The following NRK variants were observed in gnomAD, a reference collection of about 807,000 sequenced individuals.
The protein encoded by NRK is nik-related protein kinase.
Under a neutral mutation model 125.2 loss-of-function variants are expected in NRK, and 67 were observed. The ratio of observed to expected loss-of-function variants is 0.54; its 90% CI spans 0.44 to 0.66. The LOEUF (loss-of-function observed/expected upper bound fraction) is 0.66, where lower values mean the gene tolerates loss of function less well. NRK is among the 30% of genes least tolerant of loss of function. The pLI is 0.00. For missense variants in NRK, 1,224 were observed against 1,192.9 expected (o/e 1.03, Z -0.38); for synonymous variants, 458 against 429.0 (o/e 1.07, Z -0.84).
At chrX:105,844,894 G>A (rs1279206800) in intron 2 of NRK, among the ~76,000 whole-genome samples, 1 of 111,985 alleles carries the variant, frequency 8.9e-6, no homozygotes, top group Non-Finnish European at 1.9e-5. Flanking sequence ...AGCAGCTGGT[G>A]TATATAGTAA....
intron 2 of NRK, among the ~76,000 whole-genome samples, chrX:105,863,743 T>C (rs1021461353): frequency 8.9e-6 from 1 of 112,436 alleles, no homozygotes; most frequent in Non-Finnish European, 1.9e-5. Flanking sequence ...TTATACATTT[T>C]GTATAAGAGA....
At chrX:105,834,672 A>T (rs1199149613) in intron 2 of NRK, among the ~76,000 whole-genome samples, 4 of 109,956 alleles carry the variant, frequency 3.6e-5, no homozygotes, top group Non-Finnish European at 7.6e-5. Context: ...ATTATCCCTC[A>T]GTTCTTAAAT....
chrX:105,850,376 C>T (rs2039456886), intron 2 of NRK, among the ~76,000 whole-genome samples: 1 of 111,742 alleles, frequency 8.9e-6, no homozygotes, highest in African/African-American at 3.2e-5. Flanking sequence ...AGAGGGGCTG[C>T]CATGAAGGTC....
intron 2 of NRK, among the ~76,000 whole-genome samples, chrX:105,839,502 T>A (rs750948670): frequency 1.8e-5 from 2 of 111,724 alleles, no homozygotes; most frequent in South Asian, 3.7e-4. Flanking sequence ...CCTGTGACAT[T>A]GTGATAATGT....
intron 1 of NRK, among the ~76,000 whole-genome samples, chrX:105,826,900 C>G (rs954633330): frequency 9.0e-6 from 1 of 111,195 alleles, no homozygotes; most frequent in African/African-American, 3.3e-5. Context: ...TTTTCTCAGT[C>G]TTTTTTCCAG....
chrX:105,827,116 A>T (rs2039125374), intron 1 of NRK, among the ~76,000 whole-genome samples: 1 of 111,761 alleles, frequency 8.9e-6, no homozygotes. Flanking sequence ...CTGGATGAAG[A>T]GATTTCCCCT....
chrX:105,882,795 A>C (rs1264030587), intron 4 of NRK, among the ~76,000 whole-genome samples: 2 of 111,834 alleles, frequency 1.8e-5, no homozygotes, highest in African/African-American at 6.5e-5. Context: ...CCAGAGGACC[A>C]GCTAAAACAG....
In NRK at chrX:105,945,907, C is replaced by A; in HGVS notation, c.4095C>A (p.Asp1365Glu). ...ATCAATCAGCAGACTCTGAAGGAGA[C>A]TACATGTCCTATCAAGCCTATATAC... ...CIDQSADSEG[D>E]YMSYQAYIRI... The change falls in exon 25 of 29, where the codon GAC becomes GAA. Residue 1365 changes from aspartate to glutamate, a missense_variant. Coordinates refer to ENST00000243300, the MANE Select transcript of NRK (RefSeq NM_198465.4). 8.3e-7 allele frequency: 1 copy of A among 1,206,540 alleles called. No individual in the cohort carries two copies. Among genetic ancestry groups the A allele is most frequent in the Non-Finnish European group, 1.1e-6 (1 of 891,111 alleles).
intron 19 of NRK, among the ~76,000 whole-genome samples, chrX:105,934,007 G>C (rs1602689669): frequency 9.0e-6 from 1 of 111,605 alleles, no homozygotes; most frequent in African/African-American, 3.3e-5. Flanking sequence ...TTCCACAAAT[G>C]TTAGGTCTCA....
intron 19 of NRK, among the ~76,000 whole-genome samples, chrX:105,926,782 T>TA (rs1366410429): frequency 9.0e-6 from 1 of 111,328 alleles, no homozygotes; most frequent in Non-Finnish European, 1.9e-5. Context: ...TTGATGCCTT[T>TA]ATCAAAAATC....
chrX:105,875,291 C>T (rs1303172096), intron 2 of NRK, among the ~76,000 whole-genome samples: 1 of 111,466 alleles, frequency 9.0e-6, no homozygotes, highest in African/African-American at 3.3e-5. Context: ...CTCATGGTCT[C>T]ATGGTTTCCC....
chrX:105,853,944 C>T (rs773039449), intron 2 of NRK, among the ~76,000 whole-genome samples: 1 of 111,856 alleles, frequency 8.9e-6, no homozygotes, highest in Non-Finnish European at 1.9e-5. Context: ...GCTATTTGTT[C>T]CTTACATCTT....
rs752930698 is a variant in NRK, at chrX:105,946,330, G to C, written c.4219G>C (p.Asp1407His). Residue 1407 changes from aspartate to histidine, a missense_variant, in exon 26 of 29, where the codon GAT (aspartate) becomes CAT (histidine). Transcript: ENST00000243300. ...ATATTCACAGGTATTTCCAACACTT[G>C]ATCATAAGCCAGTGACAGTTGACCT... ...LLKLKVFPTL[D>H]HKPVTVDLAI... is the part of the protein sequence containing the mutation. 2 of 1,200,685 alleles carry C rather than the reference G, an allele frequency of 1.7e-6. No individual in the cohort carries two copies. Among genetic ancestry groups the C allele is most frequent in the African/African-American group, 3.5e-5 (2 of 56,836 alleles).
intron 19 of NRK, among the ~76,000 whole-genome samples, chrX:105,925,428 TTCA>T (rs1331817925): frequency 1.8e-5 from 2 of 111,591 alleles, no homozygotes; most frequent in East Asian, 5.6e-4. Context: ...ACCTCAAACA[TTCA>T]TCATTTTTTT....
chrX:105,868,037 A>G (rs941584971), intron 2 of NRK, among the ~76,000 whole-genome samples: 2 of 111,495 alleles, frequency 1.8e-5, no homozygotes, highest in Non-Finnish European at 3.8e-5. Flanking sequence ...TATTATCTAT[A>G]TTAAAAATTC....
chrX:105,888,685 T>A (rs767010916), intron 5 of NRK, among the ~76,000 whole-genome samples: 41 of 111,165 alleles, frequency 3.7e-4, no homozygotes, highest in African/African-American at 1.3e-3. Context: ...TGAGGAGACC[T>A]CACAATCACG....
At chrX:105,842,297 G>C (rs1444185669) in intron 2 of NRK, among the ~76,000 whole-genome samples, 1 of 111,253 alleles carries the variant, frequency 9.0e-6, no homozygotes, top group Non-Finnish European at 1.9e-5. Context: ...CAAGCAGATA[G>C]TCTTTACAGG....
At chrX:105,954,424 CAT>C in intron 28 of NRK, among the ~76,000 whole-genome samples, 1 of 110,247 alleles carries the variant, frequency 9.1e-6, no homozygotes, top group Middle Eastern at 4.6e-3. Context: ...TCAGTATAAT[CAT>C]ATAATTTTTT....
chrX:105,898,494 G>A (rs1406551244), intron 7 of NRK, 90 bp from the exon 8 acceptor site: 19 of 844,426 alleles, frequency 2.3e-5, no homozygotes, highest in Admixed American at 3.4e-5. Context: ...ATCCATTGTG[G>A]CTTTTGTATC....
Sources: gnomAD v4.1 joint callset for allele counts (sites outside exome capture counted in the v4.1 genomes callset) on GRCh38, gnomAD v4.1.1 for gene constraint, MANE v1.5 for transcripts, NCBI Gene and HGNC (gene_info 2026-07-23, HGNC 2026-07-21) for gene names.